POM121C: variants seen among roughly 807,000 people sequenced by gnomAD.
POM121C encodes the protein POM121 transmembrane nucleoporin C.
A neutral mutation model predicts 66.4 loss-of-function variants in POM121C; 20 were observed. The ratio of observed to expected loss-of-function variants is 0.30; its 90% CI spans 0.21 to 0.44. The LOEUF is 0.44. Among genes scored for constraint, POM121C ranks in the 20% least tolerant of loss-of-function variants. The probability of loss-of-function intolerance (pLI) is 1.00; values close to 1 mark genes in which losing one functional copy is unlikely to be tolerated. For missense variants in POM121C, 580 were observed against 1,225.7 expected, an observed-to-expected ratio of 0.47 and a Z score of 7.87; for synonymous variants, 286 against 528.0, an observed-to-expected ratio of 0.54 and a Z score of 6.28.
intron 3 of POM121C, among the ~76,000 whole-genome samples, chr7:75,466,348 C>G (rs1166922273): frequency 2.0e-5 from 3 of 151,686 alleles, no homozygotes. Context: ...GCTCACACCT[C>G]TAGTCCCAAC....
At position 75,437,556 on chromosome 7, in the gene POM121C, C is replaced by T. The variant is rs781936330; in HGVS notation, c.439G>A (p.Ala147Thr). ...GTGGAGCTGTAGGAACTGGTAATGG[C>T]ATTGCGGCTGGAGCTAGGGATGCCA... ...TSGIPSSSRN[A>T]ITSSYSSTRG... is the part of the protein sequence containing the mutation. The change falls in exon 7 of 15, where the codon GCC (alanine) becomes ACC (threonine). Residue 147 changes from alanine to threonine, a missense_variant. Coordinates refer to ENST00000615331, the MANE Select transcript of POM121C (RefSeq NM_001099415.3). 1 of 1,613,924 alleles carries T rather than the reference C, an allele frequency of 6.2e-7. No homozygotes were observed. Among genetic ancestry groups the T allele is most frequent in the Non-Finnish European group, 8.5e-7 (1 of 1,179,832 alleles).
chr7:75,442,555 C>T, intron 3 of POM121C: 2 of 1,468,340 alleles, frequency 1.4e-6, no homozygotes, highest in Non-Finnish European at 1.8e-6. Context: ...CCAGCCAGGC[C>T]AGCGCAGCCG....
intron 3 of POM121C, among the ~76,000 whole-genome samples, chr7:75,454,802 G>A (rs375207361): frequency 1.1e-4 from 16 of 152,374 alleles, no homozygotes; most frequent in Non-Finnish European, 1.5e-5. Flanking sequence ...ATGTCCCGAC[G>A]CAGTGGAGGT....
In POM121C at chr7:75,424,555, C is replaced by T; in HGVS notation, c.842G>A (p.Trp281Ter). The change falls in exon 11 of 15, where the codon TGG becomes TAG. Residue 281 changes from tryptophan (W) to a stop codon, truncating the protein, a stop_gained. Transcript: ENST00000615331. LOFTEE classifies it high-confidence loss of function. ...LDLEKKASLQ[W>*]FNQALEDKSD... ...CTTGTCCTCCAAGGCCTGGTTGAAC[C>T]ACTGTAATGAAGCCTTCTTCTCTAA... The T allele has an allele frequency of 6.2e-7, 1 of 1,614,002 alleles. No homozygotes were observed. Among genetic ancestry groups the T allele is most frequent in the Non-Finnish European group, 8.5e-7 (1 of 1,179,870 alleles).
In POM121C at chr7:75,422,104, C is replaced by A. The variant is rs1554470818; in HGVS notation, c.2148G>T (p.Gly716=). ...AFGAAEGQPP[G]AAKPALTPSF... is the part of the protein sequence containing the mutation. ...TGGGGGTAAGGGCTGGCTTGGCGGCCCCCGGTGGCTGCCCCTCAGCGGCCC... is the reference window on the plus strand; with the variant it reads ...TGGGGGTAAGGGCTGGCTTGGCGGCACCCGGTGGCTGCCCCTCAGCGGCCC... Residue 716 remains glycine, a synonymous_variant, in exon 13 of 15, where the codon GGG becomes GGT. Coordinates refer to ENST00000615331, the MANE Select transcript of POM121C (RefSeq NM_001099415.3). The A allele has an allele frequency of 5.0e-6, 8 of 1,603,498 alleles. No individual in the cohort carries two copies. The highest frequency in any genetic ancestry group is 1.1e-5 in the South Asian group (1 of 90,592).
At chr7:75,438,794 C>T (rs1213279560) in intron 6 of POM121C, among the ~76,000 whole-genome samples, 12 of 152,164 alleles carry the variant, frequency 7.9e-5, no homozygotes, top group Non-Finnish European at 1.8e-4. Context: ...CCAATTCTTC[C>T]TCCAATTTGT....
At chr7:75,463,986 C>T (rs1292466653) in intron 3 of POM121C, among the ~76,000 whole-genome samples, 1 of 147,464 alleles carries the variant, frequency 6.8e-6, no homozygotes, top group Admixed American at 6.8e-5. Context: ...AGGCACCACG[C>T]CTGGACTCTT....
chr7:75,462,045 A>G lies in POM121C; in HGVS notation c.-152+12659T>C, dbSNP rs587768209. ...ACTTCATGAGAACTGTAGAAAAATA[A>G]TCAAAGGTTTACAATAACCAGATCA... is the stretch of plus-strand genomic sequence containing the variant. On this transcript the variant is annotated intron_variant, in intron 3 of 14. Coordinates refer to ENST00000615331, the MANE Select transcript of POM121C (RefSeq NM_001099415.3). Among the ~76,000 whole-genome samples, 134 of 145,022 alleles carry G rather than the reference A, an allele frequency of 9.2e-4. 11 individuals carry two copies. Among genetic ancestry groups the G allele is most frequent in the African/African-American group, 3.5e-3 (129 of 36,880 alleles).
intron 1 of POM121C, among the ~76,000 whole-genome samples, chr7:75,477,612 A>G (rs1359958470): frequency 3.3e-5 from 5 of 151,642 alleles, no homozygotes; most frequent in Non-Finnish European, 5.9e-5. Flanking sequence ...TAGCTCAGGG[A>G]AAAAAAAATT....
chr7:75,444,234 A>G (rs1385992671), intron 3 of POM121C, among the ~76,000 whole-genome samples: 82 of 125,790 alleles, frequency 6.5e-4, no homozygotes, highest in Middle Eastern at 3.9e-3. Flanking sequence ...GTGACTTCAC[A>G]TAAGACTTAA....
chr7:75,482,477 T>A (rs1296030185), intron 1 of POM121C, among the ~76,000 whole-genome samples: 1 of 152,186 alleles, frequency 6.6e-6, no homozygotes, highest in Non-Finnish European at 1.5e-5. Context: ...GCAGACTGCC[T>A]GAGCTCAGGA....
At chr7:75,428,188 G>A (rs1315520675) in intron 7 of POM121C, among the ~76,000 whole-genome samples, 1 of 151,510 alleles carries the variant, frequency 6.6e-6, no homozygotes, top group African/African-American at 2.4e-5. Context: ...TCACCAGGCT[G>A]GAGTGCAGTG....
intron 3 of POM121C, among the ~76,000 whole-genome samples, chr7:75,467,620 C>A (rs1290249714): frequency 6.6e-6 from 1 of 150,652 alleles, no homozygotes; most frequent in Non-Finnish European, 1.5e-5. Flanking sequence ...TGAGAGAAAT[C>A]ATAATCTGGA....
chr7:75,427,887 TC>T (rs1385043821), intron 7 of POM121C, among the ~76,000 whole-genome samples: 1 of 152,130 alleles, frequency 6.6e-6, no homozygotes, highest in Admixed American at 6.6e-5. Flanking sequence ...AGTGAGGCCA[TC>T]ATCAGGAAGC....
intron 7 of POM121C, among the ~76,000 whole-genome samples, chr7:75,431,670 G>T (rs1208831049): frequency 2.0e-5 from 3 of 150,668 alleles, no homozygotes; most frequent in Non-Finnish European, 4.4e-5. Flanking sequence ...TTGCTTAGCA[G>T]CTGGGCGCAG....
At chr7:75,441,384 T>C in intron 4 of POM121C, 48 bp downstream of exon 4, 1 of 1,577,902 alleles carries the variant, frequency 6.3e-7, no homozygotes, top group Non-Finnish European at 8.7e-7. Context: ...TGGAGAAGAA[T>C]AAAGTGGACA....
intron 7 of POM121C, 56 bp downstream of exon 7, chr7:75,437,459 C>G (rs1256043968): frequency 6.4e-7 from 1 of 1,566,336 alleles, no homozygotes; most frequent in Admixed American, 1.8e-5. Context: ...TGGCCCTAAT[C>G]AATGAATGAA....
In POM121C at chr7:75,418,372, G is replaced by A; in HGVS notation, c.*424C>T. On this transcript the variant is annotated 3_prime_UTR_variant, in exon 15 of 15. Transcript: ENST00000615331. ...AAGCCAAGCAAGATAAAGCTTTAGG[G>A]ATAACCCATTTCCCAAATCCCATCA... 1 of 995,456 alleles carries A rather than the reference G, an allele frequency of 1.0e-6. No homozygotes were observed. Among genetic ancestry groups the A allele is most frequent in the Non-Finnish European group, 1.2e-6 (1 of 836,388 alleles). The allele number at this position is 995,456 out of a possible 1,614,324, so 61.7% of individuals were successfully genotyped here.
chr7:75,453,930 T>C (rs141547629), intron 3 of POM121C, among the ~76,000 whole-genome samples: 19,466 of 148,620 alleles, frequency 0.13, no homozygotes, highest in Middle Eastern at 0.22. Context: ...GTCTCCCCAT[T>C]TGGGCTGGTT....
Sources: gnomAD v4.1 joint callset for allele counts (sites outside exome capture counted in the v4.1 genomes callset) on GRCh38, gnomAD v4.1.1 for gene constraint, MANE v1.5 for transcripts, NCBI Gene and HGNC (gene_info 2026-07-23, HGNC 2026-07-21) for gene names.